Variants in MBD5 observed in about 807,000 individuals in gnomAD.
MBD5 encodes the protein methyl-CpG binding domain protein 5.
A neutral mutation model predicts 117.3 loss-of-function variants in MBD5; 13 were observed. The ratio of observed to expected loss-of-function variants is 0.11; its 90% CI spans 0.07 to 0.18. MBD5 has a LOEUF of 0.18. Ranked by LOEUF, MBD5 falls within the 10% of genes least tolerant of loss-of-function variation. MBD5 has a pLI of 1.00. For missense variants in MBD5, 1,879 were observed against 2,093.8 expected, an observed-to-expected ratio of 0.90 and a Z score of 2.00; for synonymous variants, 727 against 766.4, an observed-to-expected ratio of 0.95 and a Z score of 0.85.
intron 1 of MBD5, among the ~76,000 whole-genome samples, chr2:148,153,399 A>T (rs1697751650): frequency 6.7e-6 from 1 of 149,400 alleles, no homozygotes; most frequent in Non-Finnish European, 1.5e-5. Context: ...AACTTTGGTG[A>T]ATCTGACAAT....
At chr2:148,481,943 A>G (rs1681168050) in intron 8 of MBD5, among the ~76,000 whole-genome samples, 1 of 152,194 alleles carries the variant, frequency 6.6e-6, no homozygotes, top group Non-Finnish European at 1.5e-5. Context: ...AAGGCTTTTA[A>G]GAATAAGAAT....
intron 3 of MBD5, among the ~76,000 whole-genome samples, chr2:148,333,676 T>C (rs1009749251): frequency 9.5e-5 from 13 of 136,860 alleles, no homozygotes; most frequent in African/African-American, 3.6e-4. Context: ...ACCCTGTCTC[T>C]GCTGAAAAAA....
At chr2:148,393,958 G>A (rs920595028) in intron 4 of MBD5, among the ~76,000 whole-genome samples, 1 of 152,196 alleles carries the variant, frequency 6.6e-6, no homozygotes, top group Non-Finnish European at 1.5e-5. Context: ...AAAAGAAAAG[G>A]TTATGCTTAT....
At chr2:148,281,385 A>G (rs902672988) in intron 3 of MBD5, among the ~76,000 whole-genome samples, 3 of 152,026 alleles carry the variant, frequency 2.0e-5, no homozygotes, top group African/African-American at 7.2e-5. Flanking sequence ...TCTTTTTCAA[A>G]TAATAAATTT....
intron 5 of MBD5, 47 bp from the exon 6 acceptor site, chr2:148,462,533 ATG>A: frequency 8.7e-7 from 1 of 1,152,284 alleles, no homozygotes; most frequent in Non-Finnish European, 1.3e-6. Flanking sequence ...TTCATATAAT[ATG>A]TGTAGTCAAA....
intron 2 of MBD5, among the ~76,000 whole-genome samples, chr2:148,208,509 G>A (rs144988205): frequency 0.015 from 2,351 of 152,126 alleles, 53 homozygotes; most frequent in African/African-American, 0.053. Flanking sequence ...TGCCTGCCTC[G>A]GCCTCCCCAA....
intron 4 of MBD5, among the ~76,000 whole-genome samples, chr2:148,379,470 G>T (rs1468859599): frequency 6.6e-6 from 1 of 151,818 alleles, no homozygotes; most frequent in African/African-American, 2.4e-5. Flanking sequence ...ACTATCAAAA[G>T]ACATAAACTA....
chr2:148,328,363 C>A (rs1283993826), intron 3 of MBD5, among the ~76,000 whole-genome samples: 1 of 152,058 alleles, frequency 6.6e-6, no homozygotes, highest in East Asian at 1.9e-4. Flanking sequence ...CTGTGGTGGG[C>A]TCCACCCAGT....
chr2:148,384,045 T>G (rs1053897315), intron 4 of MBD5, among the ~76,000 whole-genome samples: 16 of 152,236 alleles, frequency 1.1e-4, no homozygotes, highest in African/African-American at 3.6e-4. Flanking sequence ...CTTTGAAAAC[T>G]GGCACAAGAC....
intron 10 of MBD5, among the ~76,000 whole-genome samples, 181 bp from the exon 11 acceptor site, chr2:148,489,205 C>T (rs1446438781): frequency 2.0e-5 from 3 of 152,202 alleles, no homozygotes; most frequent in Non-Finnish European, 2.9e-5. Context: ...CAAATATAAT[C>T]AAGACATAAG....
intron 2 of MBD5, 69 bp from the exon 3 acceptor site, chr2:148,233,176 T>C (rs890614537): frequency 1.3e-5 from 2 of 152,222 alleles, no homozygotes; most frequent in Admixed American, 6.5e-5. Flanking sequence ...TAAATATGAA[T>C]GTAAAAGAAT....
At chr2:148,206,747 A>G (rs1699292214) in intron 2 of MBD5, among the ~76,000 whole-genome samples, 1 of 152,248 alleles carries the variant, frequency 6.6e-6, no homozygotes, top group African/African-American at 2.4e-5. Flanking sequence ...AAAGCCAGAT[A>G]AAGGTAAGCA....
intron 2 of MBD5, among the ~76,000 whole-genome samples, chr2:148,231,856 A>G (rs1233628469): frequency 1.3e-5 from 2 of 152,222 alleles, no homozygotes; most frequent in Non-Finnish European, 2.9e-5. Flanking sequence ...GTGGGGCTAC[A>G]TAATATCTAG....
intron 3 of MBD5, among the ~76,000 whole-genome samples, chr2:148,270,038 T>A (rs969663314): frequency 5.9e-5 from 9 of 152,112 alleles, no homozygotes; most frequent in African/African-American, 2.2e-4. Context: ...TGTTCATGGA[T>A]GCAGTGTATT....
At chr2:148,427,236 T>C (rs10183302) in intron 4 of MBD5, among the ~76,000 whole-genome samples, 93,042 of 151,944 alleles carry the variant, frequency 0.61, 29,536 homozygotes, top group African/African-American at 0.79. Flanking sequence ...TTGTGGAAGT[T>C]GGCGTGGCGA....
rs1559009573 is a variant in MBD5, at chr2:148,294,512, T to TTTGTTTTTTTTTTTTTTTTGTTTTG, written c.-679-47700_-679-47699insGTTTTTTTTTTTTTTTTGTTTTGTT. Among the ~76,000 whole-genome samples the TTTGTTTTTTTTTTTTTTTTGTTTTG allele has an allele frequency of 1.3e-4, 19 of 141,264 alleles. 1 individual carries two copies. Among genetic ancestry groups the TTTGTTTTTTTTTTTTTTTTGTTTTG allele is most frequent in the African/African-American group, 5.2e-4 (19 of 36,812 alleles). The allele number at this position is 141,264 out of a possible 152,430, so 92.7% of individuals were successfully genotyped here. On this transcript the variant is annotated intron_variant, in intron 3 of 13. Coordinates refer to ENST00000642680, the MANE Select transcript of MBD5 (RefSeq NM_001378120.1). ...GTGCTGGGATTACAGTTTTTTTTTT[T>TTTGTTTTTTTTTTTTTTTTGTTTTG]TTTTTTTTTGAGATAGAGCTGGCTC...
At chr2:148,480,036 G>A (rs2105045000) in intron 8 of MBD5, among the ~76,000 whole-genome samples, 1 of 152,044 alleles carries the variant, frequency 6.6e-6, no homozygotes, top group East Asian at 1.9e-4. Flanking sequence ...CTTTAGGAAA[G>A]AACAAGGGTT....
intron 4 of MBD5, among the ~76,000 whole-genome samples, chr2:148,374,883 C>T (rs1703952217): frequency 1.3e-5 from 2 of 152,128 alleles, no homozygotes; most frequent in Non-Finnish European, 2.9e-5. Flanking sequence ...TTATTTTTTA[C>T]TCCTATGTAT....
At chr2:148,462,752 C>A in intron 6 of MBD5, 68 bp downstream of exon 6, 2 of 1,049,388 alleles carry the variant, frequency 1.9e-6, no homozygotes, top group South Asian at 2.7e-5. Flanking sequence ...TTGTTTTTCT[C>A]ATTTGGAATT....
Sources: allele counts gnomAD v4.1 joint callset (sites outside exome capture counted in the v4.1 genomes callset), GRCh38; gene constraint gnomAD v4.1.1; transcripts MANE v1.5; gene names NCBI Gene and HGNC (gene_info 2026-07-23, HGNC 2026-07-21).